Variants in AMZ2 observed in about 807,000 individuals in gnomAD.
The protein encoded by AMZ2 is archaemetzincin-2.
A neutral mutation model predicts 36.7 loss-of-function variants in AMZ2; 26 were observed. That is an observed-to-expected ratio of 0.71 (90% CI 0.52 to 0.98). The LOEUF is 0.98. AMZ2 is among the 50% of genes least tolerant of loss of function. The pLI is 0.00. For synonymous variants in AMZ2, 144 were observed against 149.1 expected, an observed-to-expected ratio of 0.97 and a Z score of 0.25; for missense variants, 394 against 430.5, an observed-to-expected ratio of 0.92 and a Z score of 0.75.
intron 1 of AMZ2, among the ~76,000 whole-genome samples, chr17:68,208,597 G>A (rs2072917810): frequency 6.6e-6 from 1 of 152,184 alleles, no homozygotes; most frequent in South Asian, 2.1e-4. Context: ...GGCTGCCCCA[G>A]CCAGCAGTGG....
chr17:68,222,613 C>T (rs1261343571), intron 1 of AMZ2, among the ~76,000 whole-genome samples: 3 of 152,168 alleles, frequency 2.0e-5, no homozygotes, highest in Admixed American at 6.5e-5. Flanking sequence ...TGCAACTAGA[C>T]GGTCCCATCT....
chr17:68,250,216 C>A lies in AMZ2; in HGVS notation c.29C>A (p.Thr10Lys), dbSNP rs782024612. The A allele has an allele frequency of 6.2e-7, 1 of 1,614,082 alleles. No homozygotes were observed. Among genetic ancestry groups the A allele is most frequent in the Non-Finnish European group, 8.5e-7 (1 of 1,180,014 alleles). MQIIRHSEQ[T>K]LKTALISKNP... ...CAAATAATACGGCACTCCGAACAGACACTAAAAACAGCTCTCATCTCAAAG... is the reference window on the plus strand; with the variant it reads ...CAAATAATACGGCACTCCGAACAGAAACTAAAAACAGCTCTCATCTCAAAG... The change falls in exon 2 of 7, where the codon ACA (threonine) becomes AAA (lysine). Residue 10 changes from threonine (T) to lysine (K), a missense_variant. Physicochemically the swap from Thr to Lys is moderately conservative, Grantham distance 78. Coordinates refer to ENST00000359904, the MANE Select transcript of AMZ2 (RefSeq NM_016627.5).
chr17:68,211,498 G>A (rs752260636), intron 1 of AMZ2, among the ~76,000 whole-genome samples: 5 of 99,954 alleles, frequency 5.0e-5, no homozygotes, highest in African/African-American at 2.0e-4. Context: ...GCAAGATTCC[G>A]TCTTAAAAAA....
At chr17:68,236,839 C>G (rs1849473946) in intron 1 of AMZ2, among the ~76,000 whole-genome samples, 1 of 152,156 alleles carries the variant, frequency 6.6e-6, no homozygotes, top group Admixed American at 6.5e-5. Flanking sequence ...CTTGGCCTCC[C>G]AAAGTGTTGG....
At chr17:68,231,995 C>G (rs541466904) in intron 1 of AMZ2, among the ~76,000 whole-genome samples, 1 of 151,520 alleles carries the variant, frequency 6.6e-6, no homozygotes, top group Non-Finnish European at 1.5e-5. Context: ...AATTACAAAA[C>G]TAAAACTGTA....
At chr17:68,240,524 C>T (rs1389436172) in intron 1 of AMZ2, among the ~76,000 whole-genome samples, 1 of 152,120 alleles carries the variant, frequency 6.6e-6, no homozygotes, top group Non-Finnish European at 1.5e-5. Flanking sequence ...GTCCAACATC[C>T]AGCAAGAATG....
In AMZ2 at chr17:68,257,056, C is replaced by T. The variant is rs704474; in HGVS notation, c.*87C>T. On this transcript the variant is annotated 3_prime_UTR_variant, in exon 7 of 7. Transcript: ENST00000359904. Reference sequence around the variant, plus strand: ...TGGAATACTTCATTGGAATAAACTACTGATCTTGTGCTGTGTCAAAGTAAC... The same window carrying T: ...TGGAATACTTCATTGGAATAAACTATTGATCTTGTGCTGTGTCAAAGTAAC... 4.8e-5 allele frequency: 68 copies of T among 1,406,184 alleles called. 1 individual carries two copies. The East Asian group carries it at 1.3e-3, about 26-fold the overall frequency. The allele number at this position is 1,406,184 out of a possible 1,614,324, so 87.1% of individuals were successfully genotyped here. A position where few individuals can be genotyped will look rare whatever the true frequency, so the allele number is the denominator to read the frequency against.
chr17:68,244,542 C>T (rs1443070805), upstream of AMZ2, among the ~76,000 whole-genome samples: 6 of 152,216 alleles, frequency 3.9e-5, no homozygotes, highest in Non-Finnish European at 8.8e-5. Flanking sequence ...CCACCTCAGC[C>T]TCCCAAAGTG....
At chr17:68,223,518 A>G (rs1261401927) in intron 1 of AMZ2, among the ~76,000 whole-genome samples, 5 of 151,122 alleles carry the variant, frequency 3.3e-5, no homozygotes, top group East Asian at 1.9e-4. Flanking sequence ...CAAGCCTTCA[A>G]TTCTAACTAA....
intron 1 of AMZ2, among the ~76,000 whole-genome samples, chr17:68,209,453 C>CA (rs1450823855): frequency 1.3e-5 from 2 of 151,806 alleles, no homozygotes; most frequent in Non-Finnish European, 2.9e-5. Flanking sequence ...CTCTGCCTCC[C>CA]AAAGTGTTGG....
In AMZ2 at chr17:68,250,425, A is replaced by G. The variant is rs782606247; in HGVS notation, c.238A>G (p.Lys80Glu). The G allele has an allele frequency of 6.2e-7, 1 of 1,614,148 alleles. No homozygotes were observed. The highest frequency in any genetic ancestry group is 8.5e-7 in the Non-Finnish European group (1 of 1,180,030). Residue 80 changes from lysine to glutamate, a missense_variant, in exon 2 of 7, where the codon AAG (lysine) becomes GAG (glutamate). Lys to Glu is a moderately conservative substitution (Grantham distance 56, BLOSUM62 1). Transcript: ENST00000359904. Reference sequence around the variant, plus strand: ...ACAGTTCTTCAGTGATCCTTACAGAAAGACACCCTCTCCAAACAAACGCAG... The same window carrying G: ...ACAGTTCTTCAGTGATCCTTACAGAGAGACACCCTCTCCAAACAAACGCAG... ...FEQFFSDPYR[K>E]TPSPNKRSIY...
intron 1 of AMZ2, among the ~76,000 whole-genome samples, chr17:68,210,295 A>T (rs1250565103): frequency 2.0e-5 from 3 of 152,270 alleles, no homozygotes; most frequent in African/African-American, 7.2e-5. Flanking sequence ...CTACATGTGC[A>T]TTAACTGATG....
intron 1 of AMZ2, among the ~76,000 whole-genome samples, chr17:68,224,915 C>T (rs1474468871): frequency 6.6e-6 from 1 of 151,786 alleles, no homozygotes; most frequent in African/African-American, 2.4e-5. Context: ...TGGTGGCTCA[C>T]ACCTGTAATC....
upstream of AMZ2, chr17:68,247,801 A>C (rs1255621779): frequency 2.0e-6 from 2 of 985,436 alleles, no homozygotes; most frequent in African/African-American, 3.5e-5. Context: ...CCGCGAGCGC[A>C]AGCGAGGAAT....
intron 1 of AMZ2, among the ~76,000 whole-genome samples, chr17:68,215,634 C>T (rs2098348867): frequency 7.3e-6 from 1 of 137,788 alleles, no homozygotes; most frequent in Non-Finnish European, 1.6e-5. Flanking sequence ...GAGCCCGGTG[C>T]TTGTACTCTG....
intron 1 of AMZ2, among the ~76,000 whole-genome samples, chr17:68,236,870 A>G (rs1366862238): frequency 1.3e-5 from 2 of 152,132 alleles, no homozygotes; most frequent in Non-Finnish European, 2.9e-5. Flanking sequence ...GTGAGCCACC[A>G]TGCCCGGCCC....
chr17:68,226,670 A>G (rs2073524488), intron 1 of AMZ2, among the ~76,000 whole-genome samples: 5 of 152,160 alleles, frequency 3.3e-5, no homozygotes, highest in Admixed American at 3.3e-4. Context: ...GGCATCATGC[A>G]TGTGTTTGGA....
chr17:68,226,298 G>T (rs1347908812), intron 1 of AMZ2, among the ~76,000 whole-genome samples: 2 of 152,220 alleles, frequency 1.3e-5, no homozygotes, highest in African/African-American at 2.4e-5. Context: ...TGTGCCTTAA[G>T]AGTTACGTGA....
In AMZ2 at chr17:68,213,382, G is replaced by A. The variant is rs182384765; in HGVS notation, c.-67+7144G>A. On this transcript the variant is annotated intron_variant, in intron 1 of 7. Transcript: ENST00000674770. The stretch of plus-strand genomic sequence containing the variant: ...TGGGCAGAGGGATGGGCTACTTTGC[G>A]TCTTCAGCTTCTGAAGTCTTCAAAG... 2.4e-3 allele frequency among the ~76,000 whole-genome samples: 367 copies of A among 152,302 alleles called. 1 individual carries two copies. The highest frequency in any genetic ancestry group is 4.2e-3 in the Non-Finnish European group (284 of 68,024).
Sources: allele counts gnomAD v4.1 joint callset (sites outside exome capture counted in the v4.1 genomes callset), GRCh38; gene constraint gnomAD v4.1.1; transcripts MANE v1.5; gene names NCBI Gene and HGNC (gene_info 2026-07-23, HGNC 2026-07-21).